SBF2: variants seen among roughly 807,000 people sequenced by gnomAD.
SBF2 encodes SET binding factor 2.
SBF2 carries 112 observed loss-of-function variants against 225.2 expected under a neutral mutation model. That is an observed-to-expected ratio of 0.50 (90% CI 0.43 to 0.58). The LOEUF is 0.58. Among genes scored for constraint, SBF2 ranks in the 20% least tolerant of loss-of-function variants. The pLI, the probability that SBF2 is intolerant of heterozygous loss-of-function variation, is 0.00. For missense variants in SBF2, 1,996 were observed against 2,206.2 expected (o/e 0.90, Z 1.91); for synonymous variants, 763 against 773.3 (o/e 0.99, Z 0.22).
chr11:10,294,652 T>A (rs369703314), upstream of SBF2, among the ~76,000 whole-genome samples: 1 of 152,220 alleles, frequency 6.6e-6, no homozygotes, highest in Non-Finnish European at 1.5e-5. Context: ...TTCCTGTTTA[T>A]GTTGTGTAGA....
At chr11:9,937,887 A>G (rs1864993177) in intron 16 of SBF2, among the ~76,000 whole-genome samples, 2 of 152,216 alleles carry the variant, frequency 1.3e-5, no homozygotes, top group South Asian at 4.1e-4. Flanking sequence ...AACATGCTAA[A>G]GAATACATCT....
intron 1 of SBF2, among the ~76,000 whole-genome samples, chr11:10,229,307 T>C (rs1958721626): frequency 6.6e-6 from 1 of 152,226 alleles, no homozygotes; most frequent in African/African-American, 2.4e-5. Context: ...TTTTTGTGTC[T>C]CTATTTCCTT....
chr11:10,096,552 T>C (rs1005102219), intron 2 of SBF2, among the ~76,000 whole-genome samples: 1 of 152,066 alleles, frequency 6.6e-6, no homozygotes, highest in African/African-American at 2.4e-5. Context: ...ACAATATTGT[T>C]ATCATAACAA....
chr11:9,839,719 C>T (rs2935258), intron 25 of SBF2, 23 bp from the exon 26 acceptor site: 171 of 1,601,438 alleles, frequency 1.1e-4, no homozygotes, highest in Non-Finnish European at 1.0e-4. Flanking sequence ...AGACAGATAT[C>T]GAAGAAATGA....
chr11:10,277,333 T>C (rs909309816), intron 1 of SBF2, among the ~76,000 whole-genome samples: 1 of 152,198 alleles, frequency 6.6e-6, no homozygotes, highest in South Asian at 2.1e-4. Context: ...TATTTTTCAA[T>C]GAAGTATTTA....
intron 1 of SBF2, among the ~76,000 whole-genome samples, chr11:10,209,939 C>A (rs541090386): frequency 5.3e-5 from 8 of 152,190 alleles, no homozygotes; most frequent in African/African-American, 1.9e-4. Flanking sequence ...AGGTTTAGAC[C>A]CTTGTTCTCA....
Position 10,014,505 on chromosome 11 carries a change from T to TAAAA in SBF2, c.620-11820_620-11817dup, listed in dbSNP as rs1181315538. On this transcript the variant is annotated intron_variant, in intron 6 of 39. Coordinates refer to ENST00000256190, the MANE Select transcript of SBF2 (RefSeq NM_030962.4). ...TCAGAATTGTTTCAGCCATTTCAACTAAAAAAAAAAAAAAAAAAAAAAACG... is the reference window on the plus strand; with the variant it reads ...TCAGAATTGTTTCAGCCATTTCAACTAAAAAAAAAAAAAAAAAAAAAAAAAAACG... Among the ~76,000 whole-genome samples the TAAAA allele has an allele frequency of 3.2e-3, 227 of 70,694 alleles. 2 individuals carry two copies. The highest frequency in any genetic ancestry group is 6.1e-3 in the African/African-American group (100 of 16,276). The allele number at this position is 70,694 out of a possible 152,430, so 46.4% of individuals were successfully genotyped here. A position where few individuals can be genotyped will look rare whatever the true frequency, so the allele number is the denominator to read the frequency against.
chr11:10,034,248 G>A (rs1189012985), intron 3 of SBF2, among the ~76,000 whole-genome samples: 2 of 152,096 alleles, frequency 1.3e-5, no homozygotes, highest in Non-Finnish European at 2.9e-5. Context: ...TACTACTATG[G>A]ATTACATCTG....
rs184491063 is a variant in SBF2 at position 10,029,231 on chromosome 11, T to C, written c.513+534A>G. ...TGACCAAGAAACAATAAATAAATCA[T>C]AGCAGCAGAGATTCTTATTTTTCTA... On this transcript the variant is annotated intron_variant, in intron 5 of 39. Transcript: ENST00000256190. Among the ~76,000 whole-genome samples, 3 of 152,288 alleles carry C rather than the reference T, an allele frequency of 2.0e-5. No homozygotes were observed. In the East Asian group the frequency reaches 5.8e-4, roughly 29 times the overall value.
intron 6 of SBF2, among the ~76,000 whole-genome samples, chr11:10,025,394 C>G (rs116264255): frequency 1.2e-4 from 18 of 152,114 alleles, no homozygotes; most frequent in African/African-American, 4.3e-4. Flanking sequence ...AAAAAAAAAT[C>G]CACCTTGGTA....
intron 7 of SBF2, among the ~76,000 whole-genome samples, chr11:10,001,447 CAATAAG>C (rs1947951706): frequency 6.9e-6 from 1 of 145,404 alleles, no homozygotes; most frequent in Non-Finnish European, 1.5e-5. Context: ...TTTTTGCATT[CAATAAG>C]AATGGCAAAA....
chr11:9,822,095 G>A (rs1022900292), intron 28 of SBF2, among the ~76,000 whole-genome samples: 2 of 152,062 alleles, frequency 1.3e-5, no homozygotes, highest in Non-Finnish European at 2.9e-5. Context: ...TAGTTACTAA[G>A]TTAAATGTTT....
intron 2 of SBF2, among the ~76,000 whole-genome samples, chr11:10,113,545 T>C (rs1245714906): frequency 6.6e-6 from 1 of 152,160 alleles, no homozygotes; most frequent in Non-Finnish European, 1.5e-5. Context: ...GAAATATTTA[T>C]TGAGAGCCTA....
chr11:10,176,937 C>A (rs1239109934), intron 2 of SBF2, among the ~76,000 whole-genome samples: 3 of 152,090 alleles, frequency 2.0e-5, no homozygotes, highest in African/African-American at 7.2e-5. Context: ...ATGCAAAAAT[C>A]CTCAATAAAA....
At chr11:10,132,119 A>G (rs904882994) in intron 2 of SBF2, among the ~76,000 whole-genome samples, 55 of 152,238 alleles carry the variant, frequency 3.6e-4, no homozygotes, top group Non-Finnish European at 7.2e-4. Flanking sequence ...GAAGAATACT[A>G]TTCTTTTCCT....
At chr11:10,047,315 T>C (rs1484358018) in intron 2 of SBF2, among the ~76,000 whole-genome samples, 1 of 152,006 alleles carries the variant, frequency 6.6e-6, no homozygotes, top group East Asian at 1.9e-4. Context: ...GGATAGCCAA[T>C]ACAATATTGG....
chr11:10,299,337 C>CAA lies in SBF2; in HGVS notation n.386+5153_386+5154dup, dbSNP rs5789634. Among the ~76,000 whole-genome samples the CAA allele has an allele frequency of 4.0e-3, 249 of 62,702 alleles. 4 individuals are homozygous for CAA. The highest frequency in any genetic ancestry group is 0.02 in the Middle Eastern group (2 of 98). 41.1% of individuals were successfully genotyped at this position (62,702 alleles called of 152,430 possible). On this transcript the variant is annotated intron_variant and non_coding_transcript_variant, in intron 1 of 5. Transcript: ENST00000685217. The stretch of plus-strand genomic sequence containing the variant: ...TGGGCAACAGAGCAAGAGTCCATCT[C>CAA]AAAAAAAAAAAAAAAAAAAAAGGAA...
intron 2 of SBF2, among the ~76,000 whole-genome samples, chr11:10,068,249 A>G (rs553001758): frequency 6.6e-6 from 1 of 152,292 alleles, no homozygotes; most frequent in Non-Finnish European, 1.5e-5. Flanking sequence ...TTTTAAAATA[A>G]ATCATAGGCA....
intron 13 of SBF2, among the ~76,000 whole-genome samples, 166 bp downstream of exon 13, chr11:9,989,331 A>G (rs1440651834): frequency 6.6e-6 from 1 of 152,066 alleles, no homozygotes; most frequent in Admixed American, 6.6e-5. Context: ...AAGACTACAA[A>G]TATGGTGCAG....
Sources: gnomAD v4.1 joint callset for allele counts (sites outside exome capture counted in the v4.1 genomes callset) on GRCh38, gnomAD v4.1.1 for gene constraint, MANE v1.5 for transcripts, NCBI Gene and HGNC (gene_info 2026-07-23, HGNC 2026-07-21) for gene names.